RNF111: variants seen among roughly 807,000 people sequenced by gnomAD.
The protein encoded by RNF111 is ring finger protein 111, also known as E3 ubiquitin-protein ligase Arkadia.
In RNF111, 17 loss-of-function variants were observed where a neutral mutation model predicts 95.1. That is an observed-to-expected ratio of 0.18 (90% CI 0.12 to 0.27). The LOEUF is 0.27. Among genes scored for constraint, RNF111 ranks in the 10% least tolerant of loss-of-function variants. The pLI is 1.00. For missense variants in RNF111, 1,189 were observed against 1,210.4 expected, an observed-to-expected ratio of 0.98 and a Z score of 0.26; for synonymous variants, 440 against 414.8, an observed-to-expected ratio of 1.06 and a Z score of -0.74.
At chr15:59,084,585 T>A (rs1239033339) in intron 9 of RNF111, among the ~76,000 whole-genome samples, 2 of 152,216 alleles carry the variant, frequency 1.3e-5, no homozygotes, top group Admixed American at 1.3e-4. Flanking sequence ...AATGGCACAT[T>A]TATCACCTCC....
At chr15:58,991,809 A>G (rs1413292088) in intron 1 of RNF111, among the ~76,000 whole-genome samples, 1 of 152,232 alleles carries the variant, frequency 6.6e-6, no homozygotes, top group African/African-American at 2.4e-5. Flanking sequence ...TATGTGTAGT[A>G]ACCAAATACA....
intron 13 of RNF111, 126 bp downstream of exon 13, chr15:59,092,766 A>G (rs2079087084): frequency 2.2e-6 from 2 of 930,208 alleles, no homozygotes; most frequent in South Asian, 1.9e-5. Context: ...GGCCAAGGCC[A>G]GAGGCTCTCT....
Position 59,085,716 on chromosome 15 carries a change from T to C in RNF111, c.2481T>C (p.His827=), listed in dbSNP as rs1205082455. ...CTACTTATACACCTGGTGCATTGCA[T>C]CCTCACTTGGCCCATTATCACGCAC... ...TAATYTPGAL[H]PHLAHYHAPP... The change falls in exon 10 of 14, where the codon CAT becomes CAC. Residue 827 remains histidine (H), a synonymous_variant. Coordinates refer to ENST00000348370, the MANE Select transcript of RNF111 (RefSeq NM_017610.8). 1 of 1,613,482 alleles carries C rather than the reference T, an allele frequency of 6.2e-7. No individual in the cohort carries two copies. The highest frequency in any genetic ancestry group is 1.7e-5 in the Admixed American group (1 of 59,998).
intron 1 of RNF111, among the ~76,000 whole-genome samples, chr15:58,989,480 G>A (rs1294343186): frequency 1.3e-5 from 2 of 152,182 alleles, no homozygotes; most frequent in South Asian, 2.1e-4. Flanking sequence ...GGAAAAAGTA[G>A]GAAGAATGAG....
At chr15:59,005,817 T>C (rs1388702885) in intron 1 of RNF111, among the ~76,000 whole-genome samples, 1 of 152,212 alleles carries the variant, frequency 6.6e-6, no homozygotes, top group East Asian at 1.9e-4. Flanking sequence ...ATAAAAGCTA[T>C]CATATGCATA....
intron 5 of RNF111, among the ~76,000 whole-genome samples, chr15:59,065,224 C>T (rs2042605483): frequency 6.6e-6 from 1 of 152,072 alleles, no homozygotes; most frequent in African/African-American, 2.4e-5. Flanking sequence ...GCTCTTCACT[C>T]TTGTAATTTA....
intron 6 of RNF111, among the ~76,000 whole-genome samples, chr15:59,075,255 A>T (rs1341963976): frequency 6.6e-6 from 1 of 152,232 alleles, no homozygotes; most frequent in African/African-American, 2.4e-5. Context: ...TATTAAAAAT[A>T]AAACAAAAAA....
chr15:58,997,739 C>T (rs534382571), intron 1 of RNF111, among the ~76,000 whole-genome samples: 1 of 150,798 alleles, frequency 6.6e-6, no homozygotes, highest in East Asian at 2.0e-4. Flanking sequence ...TGGCTTGAAC[C>T]CGGGAGGCAG....
In RNF111 at chr15:59,012,003, C is replaced by CTTTT. The variant is rs71425836; in HGVS notation, c.-19-18775_-19-18772dup. ...TTAGTGTTCTTTTTTGTTTGTTTGC[C>CTTTT]TTTTTTTTTTTTTTTTTTTTTTTTT... On this transcript the variant is annotated intron_variant, in intron 1 of 13. Transcript: ENST00000348370. 9.1e-4 allele frequency among the ~76,000 whole-genome samples: 37 copies of CTTTT among 40,446 alleles called. 8 individuals carry two copies. Among genetic ancestry groups the CTTTT allele is most frequent in the African/African-American group, 2.0e-3 (24 of 12,114 alleles). 26.5% of individuals were successfully genotyped at this position (40,446 alleles called of 152,430 possible).
chr15:59,073,335 T>C (rs1199265352), intron 6 of RNF111, among the ~76,000 whole-genome samples: 1 of 151,774 alleles, frequency 6.6e-6, no homozygotes, highest in African/African-American at 2.4e-5. Context: ...ATACAAAAAT[T>C]AGGTGCGTGG....
chr15:59,062,507 A>G (rs2042483915), intron 5 of RNF111, among the ~76,000 whole-genome samples: 2 of 152,352 alleles, frequency 1.3e-5, no homozygotes, highest in South Asian at 2.1e-4. Flanking sequence ...TGTTTAACAC[A>G]TATTTATTGA....
At chr15:59,003,033 T>G (rs1485739202) in intron 1 of RNF111, among the ~76,000 whole-genome samples, 1 of 152,224 alleles carries the variant, frequency 6.6e-6, no homozygotes, top group Non-Finnish European at 1.5e-5. Context: ...AGCGCGGGAT[T>G]GCAGTTGGCT....
intron 2 of RNF111, among the ~76,000 whole-genome samples, chr15:59,041,391 C>T (rs1317626933): frequency 3.3e-5 from 5 of 151,920 alleles, no homozygotes; most frequent in African/African-American, 9.7e-5. Context: ...CTGTCTCTAC[C>T]AAAAATAGAA....
chr15:59,070,008 C>T (rs1443306188), intron 6 of RNF111, among the ~76,000 whole-genome samples: 6 of 143,298 alleles, frequency 4.2e-5, no homozygotes, highest in African/African-American at 1.6e-4. Context: ...TCCCCACCCC[C>T]CAACCCCACC....
chr15:59,001,939 A>G (rs1214525661), intron 1 of RNF111, among the ~76,000 whole-genome samples: 2 of 152,180 alleles, frequency 1.3e-5, no homozygotes, highest in African/African-American at 2.4e-5. Flanking sequence ...AAAAAAATTT[A>G]TAACTATATT....
chr15:59,091,092 G>A lies in RNF111; in HGVS notation c.2677G>A (p.Val893Ile), dbSNP rs1165723057. The change falls in exon 12 of 14, where the codon GTC becomes ATC. Residue 893 changes from valine (V) to isoleucine (I), a missense_variant. Transcript: ENST00000348370. ...TCATTTGGAAGAAAGATTAGGCAAT[G>A]TCAATCGTGGAGCATCCCAGGGGAC... ...LIHLEERLGN[V>I]NRGASQGTIE... The A allele has an allele frequency of 6.2e-7, 1 of 1,610,628 alleles. No individual in the cohort carries two copies. Among genetic ancestry groups the A allele is most frequent in the East Asian group, 2.2e-5 (1 of 44,772 alleles).
At chr15:58,991,010 C>A (rs556563144) in intron 1 of RNF111, among the ~76,000 whole-genome samples, 3 of 152,076 alleles carry the variant, frequency 2.0e-5, no homozygotes, top group African/African-American at 7.2e-5. Flanking sequence ...AAATACTTAG[C>A]TGAGGCTGGG....
At chr15:59,086,294 AT>A in intron 10 of RNF111, among the ~76,000 whole-genome samples, 1 of 151,866 alleles carries the variant, frequency 6.6e-6, no homozygotes, top group East Asian at 1.9e-4. Flanking sequence ...TAATTTTTGT[AT>A]TTTTAATAGA....
chr15:58,988,854 G>T (rs561704489), intron 1 of RNF111, among the ~76,000 whole-genome samples: 2 of 152,284 alleles, frequency 1.3e-5, no homozygotes, highest in South Asian at 4.1e-4. Context: ...CATTAATTTA[G>T]AATTCTCTTG....
Sources: allele counts gnomAD v4.1 joint callset (sites outside exome capture counted in the v4.1 genomes callset), GRCh38; gene constraint gnomAD v4.1.1; transcripts MANE v1.5; gene names NCBI Gene and HGNC (gene_info 2026-07-23, HGNC 2026-07-21).